TRIM44: variants seen among roughly 807,000 people sequenced by gnomAD.
The protein encoded by TRIM44 is tripartite motif-containing protein 44.
In TRIM44, 13 loss-of-function variants were observed where a neutral mutation model predicts 37.4. The ratio of observed to expected loss-of-function variants is 0.35; its 90% CI spans 0.23 to 0.55. The LOEUF (loss-of-function observed/expected upper bound fraction) is 0.55. TRIM44 is among the 20% of genes least tolerant of loss of function. The pLI, the probability that TRIM44 is intolerant of heterozygous loss-of-function variation, is 0.89. For synonymous variants in TRIM44, 175 were observed against 157.2 expected, an observed-to-expected ratio of 1.11 and a Z score of -0.85; for missense variants, 426 against 437.2, an observed-to-expected ratio of 0.97 and a Z score of 0.23.
rs528001519 is a variant in TRIM44 at position 35,753,993 on chromosome 11, G to A, written c.1007+18548G>A. 6.6e-5 allele frequency among the ~76,000 whole-genome samples: 10 copies of A among 151,936 alleles called. No homozygotes were observed. In the East Asian group the frequency reaches 1.9e-3, roughly 29 times the overall value. ...CAGGAGGCCAAGGCTGCAGTGAGCT[G>A]AGACTGCACCACTGCACTCCAGCGT... is the stretch of plus-strand genomic sequence containing the variant. On this transcript the variant is annotated intron_variant, in intron 4 of 4. Transcript: ENST00000299413.
At chr11:35,772,519 A>G (rs1236077731) in intron 4 of TRIM44, among the ~76,000 whole-genome samples, 1 of 152,228 alleles carries the variant, frequency 6.6e-6, no homozygotes, top group East Asian at 1.9e-4. Flanking sequence ...GACCATGGGA[A>G]CCCACCTCTT....
chr11:35,720,365 A>AT (rs1256224579), intron 2 of TRIM44, among the ~76,000 whole-genome samples: 1 of 150,444 alleles, frequency 6.6e-6, no homozygotes, highest in Non-Finnish European at 1.5e-5. Context: ...TGACTTCTGT[A>AT]TATCAGTCTT....
chr11:35,727,738 T>C lies in TRIM44; in HGVS notation c.987+1575T>C, dbSNP rs1590547273. On this transcript the variant is annotated intron_variant, in intron 3 of 4. Coordinates refer to ENST00000299413, the MANE Select transcript of TRIM44 (RefSeq NM_017583.6). ...CCAATATCATTTAGTCAGTAGAAAA[T>C]AGAGCCAGGGTTTAGATTTAAGTCT... is the stretch of plus-strand genomic sequence containing the variant. Among the ~76,000 whole-genome samples the C allele has an allele frequency of 3.3e-5, 5 of 152,248 alleles. No individual in the cohort carries two copies. The East Asian group carries it at 9.6e-4, about 29-fold the overall frequency.
intron 2 of TRIM44, among the ~76,000 whole-genome samples, chr11:35,687,790 A>G (rs898138805): frequency 6.6e-6 from 1 of 152,216 alleles, no homozygotes; most frequent in Non-Finnish European, 1.5e-5. Context: ...GGATATTTGT[A>G]AGGACCCGAC....
chr11:35,789,237 C>A (rs1424922074), intron 4 of TRIM44, among the ~76,000 whole-genome samples: 18 of 152,048 alleles, frequency 1.2e-4, no homozygotes, highest in Admixed American at 1.2e-3. Context: ...ATGCTAACTT[C>A]TCATGTTAGG....
intron 4 of TRIM44, among the ~76,000 whole-genome samples, chr11:35,769,057 AATAACCAG>A (rs756786774): frequency 3.9e-5 from 6 of 152,218 alleles, no homozygotes; most frequent in Non-Finnish European, 7.4e-5. Flanking sequence ...TGTCCATGAC[AATAACCAG>A]CTGGAACCGG....
intron 2 of TRIM44, among the ~76,000 whole-genome samples, chr11:35,700,812 T>G (rs1158185675): frequency 6.6e-6 from 1 of 152,224 alleles, no homozygotes; most frequent in Non-Finnish European, 1.5e-5. Context: ...AATTGAAGAA[T>G]TTTTAAAAGC....
chr11:35,751,307 A>G (rs1459369258), intron 4 of TRIM44, among the ~76,000 whole-genome samples: 2 of 152,238 alleles, frequency 1.3e-5, no homozygotes, highest in Admixed American at 1.3e-4. Context: ...CCAAGAAAAC[A>G]TTTTACAAAC....
chr11:35,739,571 C>T (rs1477472086), intron 4 of TRIM44, among the ~76,000 whole-genome samples: 1 of 152,124 alleles, frequency 6.6e-6, no homozygotes, highest in African/African-American at 2.4e-5. Flanking sequence ...CTTCCGCTCT[C>T]AGCCTCTGTC....
chr11:35,687,541 A>G (rs1397733695), intron 2 of TRIM44, among the ~76,000 whole-genome samples: 1 of 152,238 alleles, frequency 6.6e-6, no homozygotes, highest in East Asian at 1.9e-4. Context: ...GGAGACAACC[A>G]TATTCTGATT....
At chr11:35,803,581 C>G (rs1400016963) in intron 4 of TRIM44, among the ~76,000 whole-genome samples, 1 of 152,070 alleles carries the variant, frequency 6.6e-6, no homozygotes, top group Non-Finnish European at 1.5e-5. Context: ...ATTAGCTGGG[C>G]ATGGTGGCAT....
rs1457122854 is a variant in TRIM44, at chr11:35,812,856, CTG to C, written c.*6473_*6474del. 3 of 152,172 alleles carry C rather than the reference CTG, an allele frequency of 2.0e-5. No individual in the cohort carries two copies. Among genetic ancestry groups the C allele is most frequent in the Admixed American group, 1.3e-4 (2 of 15,266 alleles). 9.4% of individuals were successfully genotyped at this position (152,172 alleles called of 1,614,324 possible). On this transcript the variant is annotated 3_prime_UTR_variant, in exon 5 of 5. Coordinates refer to ENST00000299413, the MANE Select transcript of TRIM44 (RefSeq NM_017583.6). ...AGCAGTCAAATCTTCTGGCCTGAAA[CTG>C]TACTTTTGGAAGGGAGAACTGTTAG...
At chr11:35,710,950 C>G (rs1433716244) in intron 2 of TRIM44, among the ~76,000 whole-genome samples, 2 of 151,886 alleles carry the variant, frequency 1.3e-5, no homozygotes, top group South Asian at 2.1e-4. Flanking sequence ...CACAAAAGAC[C>G]AAATATATGA....
At chr11:35,795,686 CTCTTCCCGTTTTTT>C (rs764987753) in intron 4 of TRIM44, among the ~76,000 whole-genome samples, 33 of 151,866 alleles carry the variant, frequency 2.2e-4, no homozygotes, top group Non-Finnish European at 4.7e-4. Context: ...ACAGTGTTAA[CTCTTCCCGTTTTTT>C]TTTAATAGAT....
intron 4 of TRIM44, among the ~76,000 whole-genome samples, chr11:35,772,764 C>A (rs1458973396): frequency 1.3e-5 from 2 of 152,240 alleles, no homozygotes; most frequent in Non-Finnish European, 2.9e-5. Context: ...TTTACAGGCT[C>A]ATAGGTGGAA....
intron 2 of TRIM44, among the ~76,000 whole-genome samples, chr11:35,720,253 A>C (rs759436124): frequency 6.6e-6 from 1 of 152,114 alleles, no homozygotes; most frequent in Non-Finnish European, 1.5e-5. Flanking sequence ...ATTTTGTTAG[A>C]ATTATACCTA....
chr11:35,780,791 T>A (rs1256345413), intron 4 of TRIM44, among the ~76,000 whole-genome samples: 2 of 105,114 alleles, frequency 1.9e-5, no homozygotes, highest in African/African-American at 7.5e-5. Context: ...AAAAGGAAAC[T>A]TAAGGCAATC....
At chr11:35,731,331 GA>G (rs1039529552) in intron 3 of TRIM44, among the ~76,000 whole-genome samples, 1 of 152,076 alleles carries the variant, frequency 6.6e-6, no homozygotes, top group African/African-American at 2.4e-5. Context: ...TGTATCTCTT[GA>G]AATGATCATA....
chr11:35,791,472 T>C (rs1182197368), intron 4 of TRIM44, among the ~76,000 whole-genome samples: 1 of 152,100 alleles, frequency 6.6e-6, no homozygotes, highest in Non-Finnish European at 1.5e-5. Context: ...CTTTCCCATC[T>C]ACACCCCCCG....
Sources: allele counts gnomAD v4.1 joint callset (sites outside exome capture counted in the v4.1 genomes callset), GRCh38; gene constraint gnomAD v4.1.1; transcripts MANE v1.5; gene names NCBI Gene and HGNC (gene_info 2026-07-23, HGNC 2026-07-21).